Variants in KAZN observed in about 807,000 individuals in gnomAD.
KAZN encodes kazrin.
A neutral mutation model predicts 87.4 loss-of-function variants in KAZN; 40 were observed. The observed-to-expected ratio is 0.46, with a 90% CI of 0.36 to 0.60. The LOEUF (loss-of-function observed/expected upper bound fraction) is 0.60. Among genes scored for constraint, KAZN ranks in the 20% least tolerant of loss-of-function variants. The pLI is 0.00. For synonymous variants in KAZN, 466 were observed against 458.3 expected, an observed-to-expected ratio of 1.02 and a Z score of -0.22; for missense variants, 898 against 1,073.9, an observed-to-expected ratio of 0.84 and a Z score of 2.29.
In KAZN at chr1:14,779,336, C is replaced by T. The variant is rs1035470181; in HGVS notation, c.226+180113C>T. Among the ~76,000 whole-genome samples, 4 of 152,104 alleles carry T rather than the reference C, an allele frequency of 2.6e-5. No individual in the cohort carries two copies. The East Asian group carries it at 7.7e-4, about 29-fold the overall frequency. ...TCCTGCCACTAGGAGGCAGTGTGGG[C>T]CCCCCGGCTTCCCTCTGGGGCTTTT... On this transcript the variant is annotated intron_variant, in intron 1 of 14. Transcript: ENST00000376030.
At chr1:14,957,615 G>A (rs566657339) in intron 1 of KAZN, among the ~76,000 whole-genome samples, 43 of 152,292 alleles carry the variant, frequency 2.8e-4, no homozygotes, top group Admixed American at 2.0e-3. Flanking sequence ...GAGCGGAGCC[G>A]TTTTAGGTCT....
intron 2 of KAZN, among the ~76,000 whole-genome samples, chr1:15,022,954 A>G (rs999956930): frequency 6.6e-6 from 1 of 152,228 alleles, no homozygotes; most frequent in African/African-American, 2.4e-5. Flanking sequence ...TTAAGCCCCC[A>G]GGTTACCTGT....
intron 1 of KAZN, among the ~76,000 whole-genome samples, chr1:14,750,518 T>C (rs543366296): frequency 4.6e-5 from 7 of 152,208 alleles, no homozygotes; most frequent in African/African-American, 1.7e-4. Flanking sequence ...TTCTTTCAAA[T>C]TCATAATCTG....
At chr1:14,583,308 G>A (rs1350258330) in intron 2 of KAZN, among the ~76,000 whole-genome samples, 2 of 152,232 alleles carry the variant, frequency 1.3e-5, no homozygotes, top group African/African-American at 4.8e-5. Flanking sequence ...GGACAAATGA[G>A]TGAATAAGTA....
rs373326892 is a variant in KAZN at position 15,091,340 on chromosome 1, GTTGTTTT to G, written c.1223-2824_1223-2818del. Among the ~76,000 whole-genome samples, 446 of 152,178 alleles carry G rather than the reference GTTGTTTT, an allele frequency of 2.9e-3. 2 individuals are homozygous for G. Among genetic ancestry groups the G allele is most frequent in the African/African-American group, 7.6e-3 (317 of 41,508 alleles). On this transcript the variant is annotated intron_variant, in intron 8 of 14. Transcript: ENST00000376030. ...GGTTACACTGTGCCTGCTGTGTTTTGTTGTTTTTTGTTTTTTGTTTTTGCAATGGAGT... is the reference window on the plus strand; with the variant it reads ...GGTTACACTGTGCCTGCTGTGTTTTGTTGTTTTTTGTTTTTGCAATGGAGT...
At chr1:14,540,267 T>C (rs1045263725) in intron 2 of KAZN, among the ~76,000 whole-genome samples, 3 of 152,050 alleles carry the variant, frequency 2.0e-5, no homozygotes, top group Admixed American at 2.0e-4. Context: ...AATGCCAGAG[T>C]GGTCACTTAA....
At chr1:15,097,144 G>A (rs1322846126) in intron 10 of KAZN, among the ~76,000 whole-genome samples, 1 of 152,106 alleles carries the variant, frequency 6.6e-6, no homozygotes, top group Non-Finnish European at 1.5e-5. Flanking sequence ...TTAGGACAGT[G>A]GTTTTTAAAC....
At chr1:14,206,418 T>A (rs1646746499) in intron 2 of KAZN, among the ~76,000 whole-genome samples, 1 of 152,160 alleles carries the variant, frequency 6.6e-6, no homozygotes, top group Non-Finnish European at 1.5e-5. Context: ...ACCACACCAG[T>A]AGAAGAAAGA....
At chr1:14,420,132 A>G (rs1254759607) in intron 2 of KAZN, among the ~76,000 whole-genome samples, 1 of 152,154 alleles carries the variant, frequency 6.6e-6, no homozygotes, top group Non-Finnish European at 1.5e-5. Context: ...TCCCTGAGCT[A>G]GACACAAAAG....
intron 1 of KAZN, among the ~76,000 whole-genome samples, chr1:14,084,208 A>G (rs949416538): frequency 6.6e-6 from 1 of 152,190 alleles, no homozygotes; most frequent in African/African-American, 2.4e-5. Flanking sequence ...AGAAGACCAG[A>G]TATTAGAAAA....
intron 1 of KAZN, among the ~76,000 whole-genome samples, chr1:14,737,769 T>C (rs1242345990): frequency 6.6e-6 from 1 of 152,162 alleles, no homozygotes; most frequent in East Asian, 1.9e-4. Context: ...GTTCTCTTGA[T>C]GGCTGTTTGC....
At chr1:14,971,357 C>A (rs1665006607) in intron 2 of KAZN, among the ~76,000 whole-genome samples, 1 of 152,108 alleles carries the variant, frequency 6.6e-6, no homozygotes, top group South Asian at 2.1e-4. Flanking sequence ...GAGATTGCGC[C>A]GCGGCACGCC....
At chr1:14,132,335 G>A (rs1031415676) in intron 1 of KAZN, among the ~76,000 whole-genome samples, 1 of 152,134 alleles carries the variant, frequency 6.6e-6, no homozygotes, top group African/African-American at 2.4e-5. Context: ...AAAGCAGGGG[G>A]TCACAGCAGG....
intron 2 of KAZN, among the ~76,000 whole-genome samples, chr1:14,415,070 A>T (rs1160583575): frequency 6.6e-6 from 1 of 152,210 alleles, no homozygotes; most frequent in Non-Finnish European, 1.5e-5. Context: ...AAAGGAACAC[A>T]GAGGGAGCTT....
At chr1:14,980,782 G>A (rs527636331) in intron 2 of KAZN, among the ~76,000 whole-genome samples, 5 of 152,230 alleles carry the variant, frequency 3.3e-5, no homozygotes, top group Admixed American at 2.6e-4. Flanking sequence ...AGAAGGAAGT[G>A]GTTAAATCGT....
chr1:14,438,777 G>A (rs1305787090), intron 2 of KAZN, among the ~76,000 whole-genome samples: 1 of 152,224 alleles, frequency 6.6e-6, no homozygotes, highest in Non-Finnish European at 1.5e-5. Flanking sequence ...TACCATAGGA[G>A]TCAGGGAGGG....
intron 1 of KAZN, among the ~76,000 whole-genome samples, chr1:14,880,256 T>G (rs1285836126): frequency 6.6e-6 from 1 of 152,098 alleles, no homozygotes; most frequent in Non-Finnish European, 1.5e-5. Context: ...ACACGGTGCC[T>G]GCAATAACCC....
chr1:15,006,239 A>G (rs192312173), intron 2 of KAZN, among the ~76,000 whole-genome samples: 14 of 152,232 alleles, frequency 9.2e-5, no homozygotes, highest in African/African-American at 3.4e-4. Context: ...GCCAGGAGTA[A>G]GACTAGAGGT....
chr1:14,702,805 C>T (rs1642006974), intron 1 of KAZN, among the ~76,000 whole-genome samples: 1 of 152,132 alleles, frequency 6.6e-6, no homozygotes, highest in East Asian at 1.9e-4. Context: ...GGTCTGTGCC[C>T]ACCTTTTAGT....
Sources: gnomAD v4.1 joint callset for allele counts (sites outside exome capture counted in the v4.1 genomes callset) on GRCh38, gnomAD v4.1.1 for gene constraint, MANE v1.5 for transcripts, NCBI Gene and HGNC (gene_info 2026-07-23, HGNC 2026-07-21) for gene names.